CACNA2D1: variants seen among roughly 807,000 people sequenced by gnomAD.
CACNA2D1 encodes the protein calcium voltage-gated channel auxiliary subunit alpha2delta 1, also known as voltage-dependent calcium channel subunit alpha-2/delta-1.
A neutral mutation model predicts 171.5 loss-of-function variants in CACNA2D1; 53 were observed. The observed-to-expected ratio is 0.31, with a 90% CI of 0.25 to 0.39. CACNA2D1 has a LOEUF of 0.39. Ranked by LOEUF, CACNA2D1 falls within the 10% of genes least tolerant of loss-of-function variation. The pLI is 1.00. For synonymous variants in CACNA2D1, 442 were observed against 443.1 expected, an observed-to-expected ratio of 1.00 and a Z score of 0.03; for missense variants, 903 against 1,299.8, an observed-to-expected ratio of 0.69 and a Z score of 4.69.
At position 82,222,686 on chromosome 7, in the gene CACNA2D1, T is replaced by C. The variant is rs544773427; in HGVS notation, c.295-52077A>G. 1.3e-3 allele frequency among the ~76,000 whole-genome samples: 193 copies of C among 152,142 alleles called. 2 individuals carry two copies. Among genetic ancestry groups the C allele is most frequent in the African/African-American group, 4.5e-3 (185 of 41,534 alleles). The stretch of plus-strand genomic sequence containing the variant: ...TTTTTTTTCCTTTAACATGGGCTAT[T>C]ATAATTTATTATAAAGCTGAGCTCT... On this transcript the variant is annotated intron_variant, in intron 3 of 38. Coordinates refer to ENST00000356860, the MANE Select transcript of CACNA2D1 (RefSeq NM_000722.4).
intron 1 of CACNA2D1, among the ~76,000 whole-genome samples, chr7:82,436,894 A>C (rs957308206): frequency 6.6e-6 from 1 of 152,172 alleles, no homozygotes; most frequent in Non-Finnish European, 1.5e-5. Context: ...TGCACCTTAG[A>C]AAAATTTTAT....
chr7:82,101,569 G>A (rs1385009906), intron 6 of CACNA2D1, among the ~76,000 whole-genome samples: 1 of 152,068 alleles, frequency 6.6e-6, no homozygotes, highest in Non-Finnish European at 1.5e-5. Context: ...TTAGTCCATT[G>A]ATAACCTCTA....
At chr7:82,424,039 T>C (rs1828957255) in intron 1 of CACNA2D1, among the ~76,000 whole-genome samples, 1 of 152,206 alleles carries the variant, frequency 6.6e-6, no homozygotes, top group Non-Finnish European at 1.5e-5. Context: ...AAATATACCT[T>C]TGCAATGGAT....
At chr7:82,229,576 G>C (rs768103319) in intron 3 of CACNA2D1, among the ~76,000 whole-genome samples, 23 of 151,908 alleles carry the variant, frequency 1.5e-4, no homozygotes, top group Non-Finnish European at 2.6e-4. Flanking sequence ...CACATACCTA[G>C]TTCACCTCCT....
intron 9 of CACNA2D1, among the ~76,000 whole-genome samples, chr7:82,063,266 T>C (rs1459005793): frequency 6.6e-6 from 1 of 152,198 alleles, no homozygotes; most frequent in African/African-American, 2.4e-5. Context: ...CATTAATATA[T>C]TGATTTATAC....
At chr7:82,262,203 C>T (rs1195394619) in intron 3 of CACNA2D1, among the ~76,000 whole-genome samples, 2 of 152,116 alleles carry the variant, frequency 1.3e-5, no homozygotes, top group African/African-American at 2.4e-5. Context: ...TGGTGGCAGG[C>T]ACCTGTAGTC....
At chr7:82,293,671 C>A (rs2129418339) in intron 3 of CACNA2D1, among the ~76,000 whole-genome samples, 1 of 152,332 alleles carries the variant, frequency 6.6e-6, no homozygotes, top group South Asian at 2.1e-4. Context: ...CCTCATACAT[C>A]TCTTAGCTCC....
At chr7:82,231,194 C>T (rs1482533341) in intron 3 of CACNA2D1, among the ~76,000 whole-genome samples, 1 of 152,200 alleles carries the variant, frequency 6.6e-6, no homozygotes, top group Non-Finnish European at 1.5e-5. Context: ...CTGGAAAGGG[C>T]TTGAACCAAA....
chr7:82,381,345 G>A (rs1311520445), intron 1 of CACNA2D1, among the ~76,000 whole-genome samples: 2 of 148,292 alleles, frequency 1.3e-5, no homozygotes, highest in African/African-American at 4.9e-5. Context: ...ATACGTCCTT[G>A]ACAGCAACAA....
intron 3 of CACNA2D1, among the ~76,000 whole-genome samples, chr7:82,238,945 T>A (rs956919577): frequency 2.6e-5 from 4 of 152,062 alleles, no homozygotes; most frequent in Non-Finnish European, 4.4e-5. Context: ...CCAAGATAGA[T>A]ATGCAACAAT....
chr7:82,428,429 T>A (rs1320060532), intron 1 of CACNA2D1, among the ~76,000 whole-genome samples: 1 of 152,214 alleles, frequency 6.6e-6, no homozygotes, highest in Non-Finnish European at 1.5e-5. Flanking sequence ...TTATTTATTT[T>A]ATGACTTGGA....
At chr7:82,266,927 T>C (rs1264190756) in intron 3 of CACNA2D1, among the ~76,000 whole-genome samples, 1 of 152,216 alleles carries the variant, frequency 6.6e-6, no homozygotes, top group Non-Finnish European at 1.5e-5. Flanking sequence ...TTTGATTTGC[T>C]TGTCATATCC....
chr7:82,097,477 T>C (rs1184682035), intron 6 of CACNA2D1, among the ~76,000 whole-genome samples: 1 of 152,078 alleles, frequency 6.6e-6, no homozygotes, highest in Non-Finnish European at 1.5e-5. Flanking sequence ...AGAAAAAATC[T>C]ACAGGCCACA....
chr7:81,973,151 A>G (rs182476269), intron 25 of CACNA2D1, among the ~76,000 whole-genome samples: 1 of 152,206 alleles, frequency 6.6e-6, no homozygotes, highest in African/African-American at 2.4e-5. Flanking sequence ...GGAATATGAG[A>G]GTGTTTCATA....
At chr7:82,080,040 T>A (rs1809531950) in intron 7 of CACNA2D1, among the ~76,000 whole-genome samples, 1 of 82,628 alleles carries the variant, frequency 1.2e-5, no homozygotes, top group Admixed American at 1.5e-4. Flanking sequence ...CTGATGGGGT[T>A]AAAAATATAT....
chr7:82,250,219 C>T (rs1335089034), intron 3 of CACNA2D1, among the ~76,000 whole-genome samples: 3 of 152,220 alleles, frequency 2.0e-5, no homozygotes, highest in Non-Finnish European at 2.9e-5. Context: ...AACAGTGCTA[C>T]ATTGGGAATT....
chr7:82,080,146 T>TATACCTATATAC (rs1809562994), intron 7 of CACNA2D1, among the ~76,000 whole-genome samples: 1 of 54,882 alleles, frequency 1.8e-5, no homozygotes, highest in African/African-American at 8.3e-5. Context: ...TACACACCTA[T>TATACCTATATAC]ATACCTATAT....
intron 3 of CACNA2D1, among the ~76,000 whole-genome samples, chr7:82,227,343 TGAAA>T (rs1386932468): frequency 3.3e-5 from 5 of 152,132 alleles, no homozygotes; most frequent in Admixed American, 2.6e-4. Context: ...GCAACTGATC[TGAAA>T]GAAATAGAAA....
At chr7:82,345,681 A>AGTGTGTGTGTGTGTGT (rs3054696) in intron 2 of CACNA2D1, among the ~76,000 whole-genome samples, 2 of 146,350 alleles carry the variant, frequency 1.4e-5, no homozygotes, top group Admixed American at 6.9e-5. Flanking sequence ...TAGCTAAAGG[A>AGTGTGTGTGTGTGTGT]GTGTGTGTGT....
Sources: gnomAD v4.1 joint callset for allele counts (sites outside exome capture counted in the v4.1 genomes callset) on GRCh38, gnomAD v4.1.1 for gene constraint, MANE v1.5 for transcripts, NCBI Gene and HGNC (gene_info 2026-07-23, HGNC 2026-07-21) for gene names.